PLCB1: variants seen among roughly 807,000 people sequenced by gnomAD.
PLCB1 encodes 1-phosphatidylinositol 4,5-bisphosphate phosphodiesterase beta-1.
PLCB1 carries 46 observed loss-of-function variants against 161.8 expected under a neutral mutation model. That is an observed-to-expected ratio of 0.28 (90% CI 0.22 to 0.36). The LOEUF (loss-of-function observed/expected upper bound fraction) is 0.36. Among genes scored for constraint, PLCB1 ranks in the 10% least tolerant of loss-of-function variants. PLCB1 has a pLI of 1.00. For missense variants in PLCB1, 1,016 were observed against 1,472.5 expected (o/e 0.69, Z 5.07); for synonymous variants, 517 against 503.7 (o/e 1.03, Z -0.35).
At chr20:8,328,367 G>A (rs761965850) in intron 2 of PLCB1, among the ~76,000 whole-genome samples, 1 of 152,058 alleles carries the variant, frequency 6.6e-6, no homozygotes, top group Non-Finnish European at 1.5e-5. Context: ...AAAATGGAAA[G>A]AGGAGGCAGA....
chr20:8,395,043 ACT>A (rs1216138746), intron 3 of PLCB1, among the ~76,000 whole-genome samples: 1 of 151,816 alleles, frequency 6.6e-6, no homozygotes, highest in Non-Finnish European at 1.5e-5. Flanking sequence ...ATTAAATTTG[ACT>A]CTCTTTAGTT....
chr20:8,793,209 C>T (rs746435429), intron 31 of PLCB1, among the ~76,000 whole-genome samples: 127 of 152,118 alleles, frequency 8.3e-4, no homozygotes, highest in Admixed American at 2.4e-3. Flanking sequence ...AGAGTGATTT[C>T]GTGACATCTA....
intron 9 of PLCB1, among the ~76,000 whole-genome samples, chr20:8,659,078 A>G (rs1989551197): frequency 6.6e-6 from 1 of 152,022 alleles, no homozygotes; most frequent in Non-Finnish European, 1.5e-5. Context: ...CTAACGTTCT[A>G]AAACTGAAGG....
chr20:8,314,720 G>A (rs1047631355), intron 2 of PLCB1, among the ~76,000 whole-genome samples: 2 of 152,024 alleles, frequency 1.3e-5, no homozygotes, highest in Non-Finnish European at 2.9e-5. Flanking sequence ...ATTACAAATA[G>A]GTAAAACATA....
In PLCB1 at chr20:8,882,304, C is replaced by G. The variant is rs1213097353; in HGVS notation, c.*455C>G. On this transcript the variant is annotated 3_prime_UTR_variant, in exon 32 of 32. Coordinates refer to ENST00000338037, the MANE Select transcript of PLCB1 (RefSeq NM_015192.4). Reference sequence around the variant, plus strand: ...AGCATTGTTTCTTCTAACTGCCCCTCAACTACCATTATCTTCAAGTCAACA... The same window carrying G: ...AGCATTGTTTCTTCTAACTGCCCCTGAACTACCATTATCTTCAAGTCAACA... The G allele has an allele frequency of 1.2e-5, 2 of 169,406 alleles. No individual in the cohort carries two copies. Among genetic ancestry groups the G allele is most frequent in the South Asian group, 2.8e-4 (2 of 7,140 alleles). 10.5% of individuals were successfully genotyped at this position (169,406 alleles called of 1,614,324 possible). A position where few individuals can be genotyped will look rare whatever the true frequency, so the allele number is the denominator to read the frequency against.
At chr20:8,548,120 T>C (rs1267684429) in intron 3 of PLCB1, among the ~76,000 whole-genome samples, 1 of 150,706 alleles carries the variant, frequency 6.6e-6, no homozygotes, top group East Asian at 2.0e-4. Context: ...CTTCCTTCCT[T>C]TTCTTTTTTT....
At chr20:8,805,449 G>T (rs1568606667) in intron 31 of PLCB1, among the ~76,000 whole-genome samples, 1 of 152,106 alleles carries the variant, frequency 6.6e-6, no homozygotes, top group African/African-American at 2.4e-5. Flanking sequence ...TCTAGGATAT[G>T]CCAATTTCAA....
In PLCB1 at chr20:8,646,117, G is replaced by T. The variant is rs1199339071; in HGVS notation, c.400G>T (p.Val134Phe). The T allele has an allele frequency of 1.9e-6, 3 of 1,612,254 alleles. No homozygotes were observed. The highest frequency in any genetic ancestry group is 1.7e-6 in the Non-Finnish European group (2 of 1,178,284). Residue 134 changes from valine to phenylalanine, a missense_variant, in exon 5 of 32, where the codon GTT (valine) becomes TTT (phenylalanine). By Grantham distance (50) the Val-to-Phe change is conservative (BLOSUM62 -1). Coordinates refer to ENST00000338037, the MANE Select transcript of PLCB1 (RefSeq NM_015192.4). ...EEVAKEWTNE[V>F]FSLATNLLAQ... ...CATTTTTCAGGAATGGACAAATGAG[G>T]TTTTCAGTTTGGCAACAAACCTGCT...
At chr20:8,858,573 C>T (rs980318432) in intron 31 of PLCB1, among the ~76,000 whole-genome samples, 13 of 152,112 alleles carry the variant, frequency 8.5e-5, no homozygotes, top group African/African-American at 2.9e-4. Context: ...TGTAGGCTCT[C>T]TACAGTGTGA....
intron 2 of PLCB1, among the ~76,000 whole-genome samples, chr20:8,283,583 T>TA (rs899949333): frequency 6.6e-6 from 1 of 151,362 alleles, no homozygotes; most frequent in South Asian, 2.1e-4. Context: ...ATAAATAAAA[T>TA]AAAAAAATTA....
chr20:8,287,589 C>T (rs1253573954), intron 2 of PLCB1, among the ~76,000 whole-genome samples: 2 of 152,116 alleles, frequency 1.3e-5, no homozygotes, highest in African/African-American at 4.8e-5. Context: ...AGGCATGTTC[C>T]CCGCATTCAT....
intron 2 of PLCB1, among the ~76,000 whole-genome samples, chr20:8,265,383 A>G (rs1037483011): frequency 6.6e-6 from 1 of 152,190 alleles, no homozygotes. Flanking sequence ...GCGAAGTACC[A>G]TTTAAGACTT....
intron 2 of PLCB1, among the ~76,000 whole-genome samples, chr20:8,328,518 A>C (rs1448482395): frequency 1.3e-5 from 2 of 151,384 alleles, no homozygotes; most frequent in Admixed American, 6.6e-5. Context: ...TTCCATTTTA[A>C]TTTTAGTTAT....
intron 27 of PLCB1, among the ~76,000 whole-genome samples, chr20:8,785,491 T>G (rs990940038): frequency 1.8e-4 from 28 of 152,270 alleles, no homozygotes; most frequent in African/African-American, 4.8e-4. Context: ...CATTGCATCG[T>G]GGCTGAATCA....
intron 27 of PLCB1, among the ~76,000 whole-genome samples, chr20:8,777,255 C>T (rs193259362): frequency 1.3e-5 from 2 of 152,094 alleles, no homozygotes; most frequent in African/African-American, 2.4e-5. Context: ...TCTGAAGAAA[C>T]TTCCACAGGG....
intron 3 of PLCB1, among the ~76,000 whole-genome samples, chr20:8,565,176 T>C (rs896027599): frequency 1.5e-4 from 23 of 152,332 alleles, no homozygotes; most frequent in Non-Finnish European, 2.6e-4. Flanking sequence ...GATGAGTTCA[T>C]GTCCTTTGCA....
At chr20:8,610,918 AATG>A (rs1214188141) in intron 3 of PLCB1, among the ~76,000 whole-genome samples, 1 of 152,022 alleles carries the variant, frequency 6.6e-6, no homozygotes, top group Non-Finnish European at 1.5e-5. Flanking sequence ...TCATTATGAT[AATG>A]ATGAGAAGTT....
chr20:8,252,234 AT>A (rs1240018602), intron 2 of PLCB1, among the ~76,000 whole-genome samples: 1 of 151,950 alleles, frequency 6.6e-6, no homozygotes, highest in Admixed American at 6.6e-5. Context: ...CCCAAGGGGC[AT>A]TGCTTTGCAT....
chr20:8,269,670 C>G (rs551150586), intron 2 of PLCB1, among the ~76,000 whole-genome samples: 4 of 152,062 alleles, frequency 2.6e-5, no homozygotes, highest in Middle Eastern at 3.4e-3. Context: ...AAAACTGAAA[C>G]GTAAGTTTTG....
Sources: allele counts gnomAD v4.1 joint callset (sites outside exome capture counted in the v4.1 genomes callset), GRCh38; gene constraint gnomAD v4.1.1; transcripts MANE v1.5; gene names NCBI Gene and HGNC (gene_info 2026-07-23, HGNC 2026-07-21).